The following FREM1 variants were observed in gnomAD, a reference collection of about 807,000 sequenced individuals.
FREM1 encodes FRAS1 related extracellular matrix 1.
A neutral mutation model predicts 210.1 loss-of-function variants in FREM1; 220 were observed. The ratio of observed to expected loss-of-function variants is 1.05; its 90% confidence interval spans 0.94 to 1.17. The LOEUF (loss-of-function observed/expected upper bound fraction) is 1.17, where lower values mean the gene tolerates loss of function less well. FREM1 is among the 50% of genes most tolerant of loss of function. FREM1 has a pLI of 0.00. For missense variants in FREM1, 3,454 were observed against 2,675.5 expected, an observed-to-expected ratio of 1.29 and a Z score of -6.42; for synonymous variants, 1,189 against 980.2, an observed-to-expected ratio of 1.21 and a Z score of -3.98.
At chr9:14,794,955 G>T (rs1436270655) in intron 21 of FREM1, among the ~76,000 whole-genome samples, 3 of 147,556 alleles carry the variant, frequency 2.0e-5, no homozygotes, top group Non-Finnish European at 4.4e-5. Context: ...CCAACATCGT[G>T]CCACTGCACT....
chr9:14,776,235 T>C, intron 24 of FREM1, 32 bp from the exon 25 acceptor site: 8 of 1,506,294 alleles, frequency 5.3e-6, no homozygotes, highest in Non-Finnish European at 7.1e-6. Context: ...GCCTTCAGCA[T>C]GGATTCTTGT....
chr9:14,791,819 G>GGTTTGTTTT (rs1851377383), intron 22 of FREM1, among the ~76,000 whole-genome samples: 1 of 135,608 alleles, frequency 7.4e-6, no homozygotes, highest in African/African-American at 2.9e-5. Flanking sequence ...CTCAGATAAT[G>GGTTTGTTTT]GTTTGTTTTG....
chr9:14,800,128 C>G (rs191578911), intron 20 of FREM1, among the ~76,000 whole-genome samples: 12 of 152,154 alleles, frequency 7.9e-5, no homozygotes, highest in Admixed American at 3.3e-4. Flanking sequence ...GGGCAGAAAG[C>G]TTACACACTA....
rs765862600 is a variant in FREM1 at position 14,776,136 on chromosome 9, T to A, written c.4510A>T (p.Arg1504Ter). Residue 1504 changes from arginine to a stop codon, truncating the protein, a stop_gained, in exon 25 of 37, where the codon AGA becomes TGA. Transcript: ENST00000380880. LOFTEE classifies it high-confidence loss of function. ...VFEITLETVD[R>*]ALPVVTRNKG... ...TTCCTGGTTACCACAGGCAGGGCTC[T>A]GTCCACAGTCTCCAGTGTGATCTCA... The A allele has an allele frequency of 7.6e-6, 12 of 1,582,288 alleles. No individual in the cohort carries two copies. Among genetic ancestry groups the A allele is most frequent in the African/African-American group, 1.3e-5 (1 of 74,342 alleles).
At chr9:14,867,960 A>G (rs16932386) in intron 2 of FREM1, among the ~76,000 whole-genome samples, 11,130 of 152,288 alleles carry the variant, frequency 0.073, 477 homozygotes, top group East Asian at 0.15. Context: ...TCTTCACTCT[A>G]CAAGAAGATT....
chr9:14,806,253 CTTTT>C (rs35603165), intron 18 of FREM1, among the ~76,000 whole-genome samples: 2 of 129,782 alleles, frequency 1.5e-5, no homozygotes, highest in Admixed American at 8.1e-5. Flanking sequence ...GTGCTTTAAA[CTTTT>C]TTTTTTTTTT....
intron 7 of FREM1, 76 bp from the exon 8 acceptor site, chr9:14,846,167 T>C (rs1588331127): frequency 8.5e-7 from 1 of 1,178,934 alleles, no homozygotes; most frequent in Non-Finnish European, 1.2e-6. Context: ...CACCATGGAA[T>C]ACTATGCAGC....
intron 21 of FREM1, among the ~76,000 whole-genome samples, chr9:14,794,596 G>C (rs779810342): frequency 2.0e-4 from 31 of 152,194 alleles, no homozygotes; most frequent in Non-Finnish European, 4.0e-4. Context: ...TAGCTAAAAG[G>C]AATAGCAAAG....
At chr9:14,810,665 T>G (rs1172538400) in intron 16 of FREM1, among the ~76,000 whole-genome samples, 1 of 152,200 alleles carries the variant, frequency 6.6e-6, no homozygotes, top group Non-Finnish European at 1.5e-5. Flanking sequence ...TACTAAAACA[T>G]CTTTATAATA....
intron 4 of FREM1, 69 bp from the exon 5 acceptor site, chr9:14,857,818 C>T (rs939460503): frequency 4.4e-5 from 50 of 1,129,168 alleles, no homozygotes; most frequent in Non-Finnish European, 6.3e-5. Context: ...GAAACCAGTA[C>T]TCCGTCCCAT....
chr9:14,859,282 C>T lies in FREM1; in HGVS notation c.532G>A (p.Ala178Thr). ...SLECTVSLDT[A>T]RTRLPAHGQM... The stretch of plus-strand genomic sequence containing the variant: ...CCATGGGCTGGCAGCCGAGTTCTCG[C>T]AGTGTCCAGGCTGACGGTACATTCC... The change falls in exon 4 of 37, where the codon GCG becomes ACG. Residue 178 changes from alanine to threonine, a missense_variant. Physicochemically the swap from Ala to Thr is moderately conservative, Grantham distance 58 (BLOSUM62 0). Transcript: ENST00000380880. 1 of 1,613,848 alleles carries T rather than the reference C, an allele frequency of 6.2e-7. No individual in the cohort carries two copies. The highest frequency in any genetic ancestry group is 8.5e-7 in the Non-Finnish European group (1 of 1,179,826).
At chr9:14,789,991 T>C (rs7031022) in intron 22 of FREM1, among the ~76,000 whole-genome samples, 6,265 of 152,274 alleles carry the variant, frequency 0.041, 426 homozygotes, top group African/African-American at 0.14. Flanking sequence ...AAATTTATTA[T>C]ATGATATTAT....
At chr9:14,896,445 G>A (rs916881832) in intron 1 of FREM1, among the ~76,000 whole-genome samples, 53 of 151,266 alleles carry the variant, frequency 3.5e-4, no homozygotes, top group African/African-American at 1.2e-3. Context: ...TCAGGAGGCT[G>A]AGGCAGGAGA....
intron 10 of FREM1, among the ~76,000 whole-genome samples, chr9:14,831,811 G>A (rs377569423): frequency 6.6e-6 from 1 of 152,206 alleles, no homozygotes; most frequent in African/African-American, 2.4e-5. Context: ...CTTGGGGACA[G>A]AGTGACTAAG....
In FREM1 at chr9:14,881,351, C is replaced by T. The variant is rs567978247; in HGVS notation, c.-267-12107G>A. On this transcript the variant is annotated intron_variant, in intron 1 of 36. Transcript: ENST00000380880. The stretch of plus-strand genomic sequence containing the variant: ...TGATCATAGCTCAGTTACTATCCCA[C>T]ACTTTTACAGCCAATCTGGGTATAA... Among the ~76,000 whole-genome samples the T allele has an allele frequency of 1.2e-4, 19 of 152,280 alleles. No homozygotes were observed. The South Asian group carries it at 3.5e-3, about 28-fold the overall frequency.
At chr9:14,796,979 G>T (rs543120481) in intron 21 of FREM1, among the ~76,000 whole-genome samples, 93 of 152,260 alleles carry the variant, frequency 6.1e-4, no homozygotes, top group African/African-American at 2.1e-3. Context: ...GAGGCGGGAG[G>T]GGGTGTTGAC....
At chr9:14,749,436 C>T (rs10117516) in intron 30 of FREM1, among the ~76,000 whole-genome samples, 66,836 of 151,814 alleles carry the variant, frequency 0.44, 14,931 homozygotes, top group African/African-American at 0.52. Flanking sequence ...ATATGGACCA[C>T]AGGGCATGAC....
intron 1 of FREM1, among the ~76,000 whole-genome samples, chr9:14,902,150 T>A (rs187078626): frequency 6.6e-6 from 1 of 152,226 alleles, no homozygotes; most frequent in Admixed American, 6.5e-5. Flanking sequence ...TTGGCTGTTG[T>A]TAATTAATAT....
intron 24 of FREM1, chr9:14,782,474 G>T (rs1338620633): frequency 3.5e-6 from 1 of 285,848 alleles, no homozygotes; most frequent in Non-Finnish European, 5.2e-6. Flanking sequence ...CTGTCCTGTG[G>T]GCATTGACGG....
Sources: gnomAD v4.1 joint callset for allele counts (sites outside exome capture counted in the v4.1 genomes callset) on GRCh38, gnomAD v4.1.1 for gene constraint, MANE v1.5 for transcripts, NCBI Gene and HGNC (gene_info 2026-07-23, HGNC 2026-07-21) for gene names.